The following CNTNAP2 variants were observed in gnomAD, a reference collection of about 807,000 sequenced individuals.
The protein encoded by CNTNAP2 is contactin associated protein 2.
In CNTNAP2, 98 loss-of-function variants were observed where a neutral mutation model predicts 155.2. The ratio of observed to expected loss-of-function variants is 0.63; its 90% CI spans 0.54 to 0.75. The LOEUF is 0.75. Among genes scored for constraint, CNTNAP2 ranks in the 30% least tolerant of loss-of-function variants. CNTNAP2 has a pLI of 0.00. For missense variants in CNTNAP2, 1,727 were observed against 1,688.1 expected (o/e 1.02, Z -0.40); for synonymous variants, 651 against 631.2 (o/e 1.03, Z -0.47).
chr7:146,935,411 A>G (rs1408064371), intron 3 of CNTNAP2, among the ~76,000 whole-genome samples: 2 of 152,330 alleles, frequency 1.3e-5, no homozygotes, highest in East Asian at 1.9e-4. Context: ...CTTAAATGGT[A>G]CATACGTTGC....
intron 13 of CNTNAP2, among the ~76,000 whole-genome samples, chr7:147,773,598 TAAAG>T (rs1315514484): frequency 6.6e-6 from 1 of 152,214 alleles, no homozygotes; most frequent in Non-Finnish European, 1.5e-5. Flanking sequence ...TTTCAAACTA[TAAAG>T]AAACTGGACT....
chr7:146,308,116 T>A (rs1405315952), intron 1 of CNTNAP2, among the ~76,000 whole-genome samples: 1 of 151,948 alleles, frequency 6.6e-6, no homozygotes, highest in South Asian at 2.1e-4. Flanking sequence ...ACAAAGAACT[T>A]AACAAATTTA....
intron 3 of CNTNAP2, among the ~76,000 whole-genome samples, chr7:146,875,934 C>CAAAAAAAA (rs56304234): frequency 3.4e-3 from 185 of 55,110 alleles, no homozygotes; most frequent in Middle Eastern, 0.019. Flanking sequence ...ACATACACAG[C>CAAAAAAAA]AAAAAAAAAA....
intron 1 of CNTNAP2, among the ~76,000 whole-genome samples, chr7:146,148,957 G>T (rs1797994199): frequency 6.7e-6 from 1 of 150,270 alleles, no homozygotes; most frequent in Admixed American, 6.7e-5. Flanking sequence ...ATATGTCAAA[G>T]ACTCCACTGG....
intron 8 of CNTNAP2, among the ~76,000 whole-genome samples, chr7:147,164,880 G>A (rs1469487193): frequency 6.6e-6 from 1 of 152,134 alleles, no homozygotes. Flanking sequence ...TGCTTGAGAA[G>A]AAAATTTGAT....
intron 16 of CNTNAP2, among the ~76,000 whole-genome samples, chr7:148,141,263 T>A (rs1805067060): frequency 6.6e-6 from 1 of 152,276 alleles, no homozygotes; most frequent in Non-Finnish European, 1.5e-5. Flanking sequence ...ATTCTGCTTC[T>A]TATTCCACTG....
intron 11 of CNTNAP2, among the ~76,000 whole-genome samples, chr7:147,546,655 C>T (rs1399422320): frequency 6.6e-6 from 1 of 152,190 alleles, no homozygotes; most frequent in African/African-American, 2.4e-5. Context: ...CCCCTTGGAG[C>T]TTGGGTGAAG....
chr7:146,344,233 C>G (rs183426369), intron 1 of CNTNAP2, among the ~76,000 whole-genome samples: 5 of 152,102 alleles, frequency 3.3e-5, no homozygotes, highest in African/African-American at 1.2e-4. Context: ...ACAGTGAGCT[C>G]TAAACTATCT....
At chr7:146,810,301 T>C (rs1471779387) in intron 2 of CNTNAP2, among the ~76,000 whole-genome samples, 4 of 109,152 alleles carry the variant, frequency 3.7e-5, no homozygotes, top group Non-Finnish European at 1.5e-5. Context: ...CTAGCTTTCT[T>C]TTTTTTTTTT....
At chr7:147,463,654 C>A (rs545133884) in intron 10 of CNTNAP2, among the ~76,000 whole-genome samples, 80 of 152,266 alleles carry the variant, frequency 5.3e-4, no homozygotes, top group Non-Finnish European at 1.0e-3. Flanking sequence ...CTTTTCTTCA[C>A]TTTTTGGCAA....
At chr7:147,070,642 A>G (rs1799872545) in intron 4 of CNTNAP2, among the ~76,000 whole-genome samples, 1 of 152,186 alleles carries the variant, frequency 6.6e-6, no homozygotes, top group Non-Finnish European at 1.5e-5. Context: ...TGCATTTGTC[A>G]TTAAACTGAA....
intron 1 of CNTNAP2, among the ~76,000 whole-genome samples, chr7:146,537,208 C>G (rs1797882400): frequency 6.6e-6 from 1 of 151,666 alleles, no homozygotes; most frequent in Non-Finnish European, 1.5e-5. Context: ...ATGAATGTGT[C>G]CTATTTGGAG....
At chr7:146,688,743 T>C (rs1800646795) in intron 1 of CNTNAP2, among the ~76,000 whole-genome samples, 1 of 152,144 alleles carries the variant, frequency 6.6e-6, no homozygotes, top group African/African-American at 2.4e-5. Context: ...ATGGCTTAGC[T>C]TGGGCTCAGA....
chr7:147,233,524 AT>A (rs1027708786), intron 8 of CNTNAP2, among the ~76,000 whole-genome samples: 30 of 152,112 alleles, frequency 2.0e-4, no homozygotes, highest in African/African-American at 7.0e-4. Context: ...CCAAAGTGTT[AT>A]TTAAGTATTA....
At chr7:147,450,498 C>T (rs1260768783) in intron 10 of CNTNAP2, among the ~76,000 whole-genome samples, 2 of 152,210 alleles carry the variant, frequency 1.3e-5, no homozygotes, top group African/African-American at 4.8e-5. Flanking sequence ...CTCACATGGA[C>T]TCCTGACCTA....
At chr7:148,116,535 T>C (rs937359606) in intron 15 of CNTNAP2, among the ~76,000 whole-genome samples, 8 of 152,212 alleles carry the variant, frequency 5.3e-5, no homozygotes, top group Non-Finnish European at 5.9e-5. Flanking sequence ...CACGAATCAC[T>C]GAATGTCCAA....
At chr7:148,039,427 C>T (rs920184168) in intron 15 of CNTNAP2, among the ~76,000 whole-genome samples, 36 of 152,176 alleles carry the variant, frequency 2.4e-4, no homozygotes. Context: ...CCCCAATCTC[C>T]TCTGGAAAGA....
chr7:146,395,790 T>G (rs113586719), intron 1 of CNTNAP2, among the ~76,000 whole-genome samples: 2,154 of 114,688 alleles, frequency 0.019, 42 homozygotes, highest in African/African-American at 0.064. Flanking sequence ...GATAGATAGA[T>G]AGATAGATAG....
intron 1 of CNTNAP2, among the ~76,000 whole-genome samples, chr7:146,478,372 T>A (rs1796910755): frequency 6.6e-6 from 1 of 151,676 alleles, no homozygotes; most frequent in Non-Finnish European, 1.5e-5. Context: ...GAGAGGGTGA[T>A]CCATACCTCA....
Sources: allele counts gnomAD v4.1 joint callset (sites outside exome capture counted in the v4.1 genomes callset), GRCh38; gene constraint gnomAD v4.1.1; transcripts MANE v1.5; gene names NCBI Gene and HGNC (gene_info 2026-07-23, HGNC 2026-07-21).